DNM3: variants seen among roughly 807,000 people sequenced by gnomAD.
The protein encoded by DNM3 is dynamin 3.
Under a neutral mutation model 101.6 loss-of-function variants are expected in DNM3, and 47 were observed. That is an observed-to-expected ratio of 0.46 (90% CI 0.37 to 0.59). The LOEUF is 0.59. Among genes scored for constraint, DNM3 ranks in the 20% least tolerant of loss-of-function variants. DNM3 has a pLI of 0.00. For synonymous variants in DNM3, 385 were observed against 387.9 expected (o/e 0.99, Z 0.09); for missense variants, 849 against 1,085.7 (o/e 0.78, Z 3.06).
At chr1:171,971,084 A>C (rs1270102282) in intron 2 of DNM3, among the ~76,000 whole-genome samples, 4 of 152,050 alleles carry the variant, frequency 2.6e-5, no homozygotes, top group Non-Finnish European at 5.9e-5. Flanking sequence ...AATGCATTCT[A>C]TCTCTTACAC....
chr1:172,367,512 G>A (rs2149028276), intron 17 of DNM3, among the ~76,000 whole-genome samples: 1 of 151,912 alleles, frequency 6.6e-6, no homozygotes, highest in East Asian at 1.9e-4. Flanking sequence ...GATAAATAAT[G>A]AGAGAGGAAA....
intron 17 of DNM3, among the ~76,000 whole-genome samples, chr1:172,346,122 C>CAAAAA (rs554868535): frequency 9.8e-5 from 9 of 92,092 alleles, no homozygotes; most frequent in Non-Finnish European, 1.6e-4. Context: ...GACTCCGTCT[C>CAAAAA]AAAAAAAAAA....
At chr1:172,396,498 G>C (rs1435890386) in intron 20 of DNM3, among the ~76,000 whole-genome samples, 1 of 152,134 alleles carries the variant, frequency 6.6e-6, no homozygotes, top group African/African-American at 2.4e-5. Context: ...TTTGGTAGAA[G>C]GGCTAATGGA....
intron 10 of DNM3, among the ~76,000 whole-genome samples, chr1:172,064,979 T>G (rs1238871423): frequency 6.6e-6 from 1 of 152,220 alleles, no homozygotes; most frequent in East Asian, 1.9e-4. Flanking sequence ...ATTCCTTTTC[T>G]GGTAGAATTA....
chr1:172,042,115 C>T lies in DNM3; in HGVS notation c.1099C>T (p.His367Tyr). 2 of 1,608,790 alleles carry T rather than the reference C, an allele frequency of 1.2e-6. No individual in the cohort carries two copies. The highest frequency in any genetic ancestry group is 1.7e-6 in the Non-Finnish European group (2 of 1,178,472). Residue 367 changes from histidine to tyrosine, a missense_variant, in exon 8 of 21, where the codon CAT (histidine) becomes TAT (tyrosine). Physicochemically the swap from His to Tyr is moderately conservative, Grantham distance 83 (BLOSUM62 2). This residue lies in a region of DNM3 where 388 missense variants were observed against 483.0 expected (regional missense o/e 0.80). Transcript: ENST00000627582. ...TGGTGCTAAAATCAATCGTATTTTTCATGAACGCTTTCCTTTTGAGATAGT... is the reference window on the plus strand; with the variant it reads ...TGGTGCTAAAATCAATCGTATTTTTTATGAACGCTTTCCTTTTGAGATAGT... ...SGGAKINRIF[H>Y]ERFPFEIVKM...
chr1:172,269,510 G>A (rs1363095182), intron 15 of DNM3, among the ~76,000 whole-genome samples: 1 of 152,104 alleles, frequency 6.6e-6, no homozygotes, highest in Non-Finnish European at 1.5e-5. Context: ...CACTGTAGTG[G>A]TAAGCTGTAA....
chr1:172,210,659 G>A (rs2060483516), intron 14 of DNM3, among the ~76,000 whole-genome samples: 1 of 152,058 alleles, frequency 6.6e-6, no homozygotes, highest in Non-Finnish European at 1.5e-5. Flanking sequence ...AAAACACTAA[G>A]AAAACCTTTT....
chr1:172,057,756 A>G (rs1272712276), intron 10 of DNM3, among the ~76,000 whole-genome samples: 1 of 151,916 alleles, frequency 6.6e-6, no homozygotes, highest in Admixed American at 6.6e-5. Flanking sequence ...AAATGTAAAG[A>G]CCATCAAGAC....
At chr1:172,200,030 G>C (rs1034158463) in intron 14 of DNM3, among the ~76,000 whole-genome samples, 1 of 151,908 alleles carries the variant, frequency 6.6e-6, no homozygotes, top group Non-Finnish European at 1.5e-5. Flanking sequence ...GTGTGTTTTT[G>C]TTTTAGCTGG....
intron 4 of DNM3, among the ~76,000 whole-genome samples, chr1:172,025,608 C>G (rs1355254656): frequency 1.3e-5 from 2 of 152,300 alleles, no homozygotes; most frequent in East Asian, 3.9e-4. Context: ...GAGGAAGGAA[C>G]AGACAGCAGT....
intron 1 of DNM3, among the ~76,000 whole-genome samples, chr1:171,873,728 C>A (rs142734018): frequency 1.3e-5 from 2 of 152,164 alleles, no homozygotes; most frequent in Non-Finnish European, 2.9e-5. Context: ...TTAAACCATA[C>A]GAAAAACTGT....
intron 16 of DNM3, among the ~76,000 whole-genome samples, chr1:172,317,932 C>A (rs1348858771): frequency 1.3e-5 from 2 of 151,924 alleles, no homozygotes; most frequent in East Asian, 3.9e-4. Context: ...GAGACACAAC[C>A]AAAAAAGAGA....
intron 14 of DNM3, among the ~76,000 whole-genome samples, chr1:172,175,445 A>G (rs994305787): frequency 6.6e-6 from 1 of 151,774 alleles, no homozygotes; most frequent in Non-Finnish European, 1.5e-5. Context: ...AGATTGTGCC[A>G]TGGGAAAAAT....
intron 13 of DNM3, among the ~76,000 whole-genome samples, chr1:172,110,143 CCT>C (rs2055356674): frequency 6.6e-6 from 1 of 152,180 alleles, no homozygotes; most frequent in Admixed American, 6.5e-5. Flanking sequence ...TTCTCTTGCC[CCT>C]GACACTCCTG....
chr1:171,967,759 T>G (rs1359468432), intron 2 of DNM3, among the ~76,000 whole-genome samples: 1 of 152,136 alleles, frequency 6.6e-6, no homozygotes, highest in Non-Finnish European at 1.5e-5. Context: ...AGACAACCTT[T>G]GTTCTGTGCA....
chr1:172,352,833 C>T (rs2067258465), intron 17 of DNM3, among the ~76,000 whole-genome samples: 1 of 152,098 alleles, frequency 6.6e-6, no homozygotes, highest in Non-Finnish European at 1.5e-5. Context: ...CCCTCTGAAT[C>T]CTGAGTGATC....
chr1:172,136,162 G>A (rs1572665091), intron 14 of DNM3, among the ~76,000 whole-genome samples: 1 of 152,110 alleles, frequency 6.6e-6, no homozygotes, highest in South Asian at 2.1e-4. Context: ...CCTCATTTTT[G>A]TGGGTTGAAG....
intron 17 of DNM3, among the ~76,000 whole-genome samples, chr1:172,358,439 GCTAA>G (rs1281386437): frequency 6.6e-6 from 1 of 152,124 alleles, no homozygotes; most frequent in East Asian, 1.9e-4. Context: ...CCTTTTTACA[GCTAA>G]CTCAGAGATG....
chr1:171,902,714 GT>G (rs2038470008), intron 1 of DNM3, among the ~76,000 whole-genome samples: 1 of 151,960 alleles, frequency 6.6e-6, no homozygotes, highest in Non-Finnish European at 1.5e-5. Flanking sequence ...TGACTTATCT[GT>G]TGGTGATGAC....
Sources: gnomAD v4.1 joint callset for allele counts (sites outside exome capture counted in the v4.1 genomes callset) on GRCh38, gnomAD v4.1.1 for gene constraint, gnomAD v4.1.1 regional missense constraint, MANE v1.5 for transcripts, NCBI Gene and HGNC (gene_info 2026-07-23, HGNC 2026-07-21) for gene names.